The following COQ7 variants were observed in gnomAD, a reference collection of about 807,000 sequenced individuals.
COQ7 encodes coenzyme Q7, hydroxylase.
A neutral mutation model predicts 25.0 loss-of-function variants in COQ7; 21 were observed. The ratio of observed to expected loss-of-function variants is 0.84; its 90% CI spans 0.60 to 1.21. COQ7 has a LOEUF of 1.21. Ranked by LOEUF, COQ7 falls within the 50% of genes most tolerant of loss-of-function variation. The pLI is 0.00. For synonymous variants in COQ7, 125 were observed against 112.4 expected (o/e 1.11, Z -0.71); for missense variants, 311 against 296.2 (o/e 1.05, Z -0.37).
intron 3 of COQ7, among the ~76,000 whole-genome samples, chr16:19,075,419 C>T (rs570075853): frequency 4.1e-4 from 47 of 113,642 alleles, no homozygotes; most frequent in African/African-American, 1.4e-3. Flanking sequence ...AGGTTGGTCT[C>T]GAACTCCTGA....
At position 19,072,122 on chromosome 16, in the gene COQ7, T is replaced by A. The variant is rs1223316088; in HGVS notation, c.252+16T>A. ...AGTCATTCAGGTGGGTGCTTCTTCA[T>A]CTCCCTCACCCTGGTCTACTGAATG... On this transcript the variant is annotated intron_variant, in intron 2 of 5. Transcript: ENST00000321998. 2.5e-6 allele frequency: 4 copies of A among 1,613,692 alleles called. No individual in the cohort carries two copies. The African/African-American group carries it at 4.0e-5, about 16-fold the overall frequency.
intron 1 of COQ7, 145 bp from the exon 2 acceptor site, chr16:19,071,781 TAG>T: frequency 1.3e-6 from 1 of 764,066 alleles, no homozygotes; most frequent in Non-Finnish European, 2.2e-6. Flanking sequence ...TTTAACACTG[TAG>T]GTTAAACAGA....
downstream of COQ7, among the ~76,000 whole-genome samples, chr16:19,081,849 C>T (rs377371936): frequency 1.5e-4 from 23 of 152,138 alleles, no homozygotes; most frequent in East Asian, 4.2e-3. Context: ...TAGACTAACC[C>T]TACTTATTCT....
At chr16:19,081,989 C>T (rs1232385534), downstream of COQ7, among the ~76,000 whole-genome samples, 1 of 151,924 alleles carries the variant, frequency 6.6e-6, no homozygotes, top group Non-Finnish European at 1.5e-5. Context: ...CCATTTTACT[C>T]CAGCCTGGGC....
chr16:19,073,182 G>T (rs1962651419), intron 2 of COQ7, among the ~76,000 whole-genome samples: 1 of 152,130 alleles, frequency 6.6e-6, no homozygotes, highest in Non-Finnish European at 1.5e-5. Context: ...GGTGGTGCAT[G>T]CCTGTAGTCC....
chr16:19,077,741 A>G (rs1280701759), intron 5 of COQ7, among the ~76,000 whole-genome samples: 1 of 151,848 alleles, frequency 6.6e-6, no homozygotes, highest in Non-Finnish European at 1.5e-5. Flanking sequence ...GCATGCCACC[A>G]TGCCTGGCTA....
At chr16:19,071,726 T>G (rs562314715) in intron 1 of COQ7, 1 of 598,604 alleles carries the variant, frequency 1.7e-6, no homozygotes, top group Admixed American at 3.0e-5. Flanking sequence ...CTTCATACAC[T>G]TAAAGTGAAA....
rs141851979 is a variant in COQ7, at chr16:19,072,130, A to G, written c.252+24A>G. ...AGGTGGGTGCTTCTTCATCTCCCTC[A>G]CCCTGGTCTACTGAATGGGCAGATC... On this transcript the variant is annotated intron_variant, in intron 2 of 5. Transcript: ENST00000321998. 7.0e-4 allele frequency: 1,130 copies of G among 1,613,094 alleles called. 8 individuals are homozygous for G. The African/African-American group carries it at 0.014, about 20-fold the overall frequency.
chr16:19,074,732 T>TG (rs2142382672), intron 3 of COQ7, among the ~76,000 whole-genome samples: 1 of 152,192 alleles, frequency 6.6e-6, no homozygotes, highest in African/African-American at 2.4e-5. Flanking sequence ...TTTGTAGAGA[T>TG]GGGGTCTCGT....
At chr16:19,074,935 C>T (rs959751918) in intron 3 of COQ7, among the ~76,000 whole-genome samples, 5 of 152,154 alleles carry the variant, frequency 3.3e-5, no homozygotes, top group Non-Finnish European at 5.9e-5. Flanking sequence ...ATACTGTTCC[C>T]TGACAACGAT....
intron 2 of COQ7, among the ~76,000 whole-genome samples, chr16:19,073,325 C>CAAAAAAAAA (rs1555522096): frequency 1.2e-4 from 15 of 123,536 alleles, no homozygotes; most frequent in Non-Finnish European, 2.4e-4. Context: ...ACAAAAAAAA[C>CAAAAAAAAA]CGCACACACA....
In COQ7 at chr16:19,074,049, T is replaced by C. The variant is rs1297552938; in HGVS notation, c.367+14T>C. 26 of 1,586,334 alleles carry C rather than the reference T, an allele frequency of 1.6e-5. No homozygotes were observed. In the Admixed American group the frequency reaches 3.6e-4, roughly 22 times the overall value. On this transcript the variant is annotated intron_variant, in intron 3 of 5. Transcript: ENST00000321998. ...GGTTTGCACTGGGTACGTGTCTCTC[T>C]AGAAGAGCTTATGCAAGCTTGGGGA...
At position 19,075,793 on chromosome 16, in the gene COQ7, A is replaced by C. The variant is rs766535059; in HGVS notation, c.440A>C (p.His147Pro). The C allele has an allele frequency of 1.2e-6, 2 of 1,613,862 alleles. No homozygotes were observed. The highest frequency in any genetic ancestry group is 2.2e-5 in the South Asian group (2 of 91,058). The change falls in exon 4 of 6, where the codon CAT (histidine) becomes CCT (proline). Residue 147 changes from histidine (H) to proline (P), a missense_variant. His to Pro is a moderately conservative substitution (Grantham distance 77). Transcript: ENST00000321998. ...GTGGCGGTGGAAGAGAGCATAGCACATCACTACAACAACCAGATCAGGACG... is the reference window on the plus strand; with the variant it reads ...GTGGCGGTGGAAGAGAGCATAGCACCTCACTACAACAACCAGATCAGGACG... ...CTVAVEESIA[H>P]HYNNQIRTLM...
chr16:19,074,178 GC>G, intron 3 of COQ7, 143 bp downstream of exon 3: 1 of 555,570 alleles, frequency 1.8e-6, no homozygotes, highest in East Asian at 3.2e-5. Context: ...TAAATTGACT[GC>G]CTTTTTTTGT....
At chr16:19,067,791 T>G in intron 1 of COQ7, 54 bp downstream of exon 1, 1 of 1,575,008 alleles carries the variant, frequency 6.3e-7, no homozygotes, top group Non-Finnish European at 8.5e-7. Context: ...GCTAGGGAAT[T>G]TTCGCTTGAG....
downstream of COQ7, among the ~76,000 whole-genome samples, chr16:19,082,953 G>A (rs1249038383): frequency 1.3e-5 from 2 of 152,054 alleles, no homozygotes; most frequent in Non-Finnish European, 2.9e-5. Context: ...CTGGAGGGGC[G>A]GGGATGGGGA....
At chr16:19,070,884 C>G (rs1051164761) in intron 1 of COQ7, among the ~76,000 whole-genome samples, 4 of 152,112 alleles carry the variant, frequency 2.6e-5, no homozygotes, top group African/African-American at 7.2e-5. Flanking sequence ...CAAAACTCCT[C>G]TCTGGCAGGG....
Position 19,078,257 on chromosome 16 carries a change from A to G in COQ7, c.*99A>G, listed in dbSNP as rs985691210. 4 of 818,692 alleles carry G rather than the reference A, an allele frequency of 4.9e-6. No homozygotes were observed. The African/African-American group carries it at 7.2e-5, about 15-fold the overall frequency. 50.7% of individuals were successfully genotyped at this position (818,692 alleles called of 1,614,324 possible). On this transcript the variant is annotated 3_prime_UTR_variant, in exon 6 of 6. Transcript: ENST00000321998. Reference sequence around the variant, plus strand: ...ACAGTTATCGTTGTACTTTTGTACAATGTGAATTTTGTTAATAAATTATAA... The same window carrying G: ...ACAGTTATCGTTGTACTTTTGTACAGTGTGAATTTTGTTAATAAATTATAA...
intron 1 of COQ7, chr16:19,068,042 C>T (rs1048720458): frequency 1.0e-5 from 12 of 1,204,784 alleles, no homozygotes; most frequent in African/African-American, 1.6e-5. Flanking sequence ...GGACAGTTGG[C>T]GACACTGAAA....
Sources: allele counts gnomAD v4.1 joint callset (sites outside exome capture counted in the v4.1 genomes callset), GRCh38; gene constraint gnomAD v4.1.1; transcripts MANE v1.5; gene names NCBI Gene and HGNC (gene_info 2026-07-23, HGNC 2026-07-21).